RBFA: variants seen among roughly 807,000 people sequenced by gnomAD.
RBFA encodes the protein ribosome binding factor A, also known as putative ribosome-binding factor A, mitochondrial.
A neutral mutation model predicts 27.9 loss-of-function variants in RBFA; 16 were observed. That is an observed-to-expected ratio of 0.57 (90% CI 0.39 to 0.87). The LOEUF (loss-of-function observed/expected upper bound fraction) is 0.87, where lower values mean the gene tolerates loss of function less well. Ranked by LOEUF, RBFA falls within the 40% of genes least tolerant of loss-of-function variation. The pLI, the probability that RBFA is intolerant of heterozygous loss-of-function variation, is 0.00. For missense variants in RBFA, 456 were observed against 432.1 expected (o/e 1.06, Z -0.49); for synonymous variants, 181 against 181.0 (o/e 1.00, Z 0.00).
chr18:80,047,005 A>G lies in RBFA; in HGVS notation c.*850A>G, dbSNP rs1190087925. 1.3e-5 allele frequency: 2 copies of G among 152,232 alleles called. No homozygotes were observed. The highest frequency in any genetic ancestry group is 6.5e-5 in the Admixed American group (1 of 15,276). 9.4% of individuals were successfully genotyped at this position (152,232 alleles called of 1,614,324 possible). ...CAGATTCCATACCTTGTCAGCTCCT[A>G]TTTAGTTCGGCTTCCCTCTTAATGT... On this transcript the variant is annotated 3_prime_UTR_variant, in exon 7 of 7. Transcript: ENST00000306735.
At position 80,048,787 on chromosome 18, in the gene RBFA, G is replaced by GT. The variant is rs2145153292; in HGVS notation, c.*2633dup. On this transcript the variant is annotated 3_prime_UTR_variant, in exon 7 of 7. Coordinates refer to ENST00000306735, the MANE Select transcript of RBFA (RefSeq NM_024805.3). ...GGCTCAGTGCCTCCTAGAAAGAGGA[G>GT]TGTGGGCACGTTTGCAGGGGATCCA... Among the ~76,000 whole-genome samples, 1 of 148,374 alleles carries GT rather than the reference G, an allele frequency of 6.7e-6. No homozygotes were observed. Among genetic ancestry groups the GT allele is most frequent in the Non-Finnish European group, 1.5e-5 (1 of 67,930 alleles).
Position 80,042,212 on chromosome 18 carries a change from T to C in RBFA, c.569T>C (p.Leu190Pro). The C allele has an allele frequency of 6.3e-7, 1 of 1,594,652 alleles. No homozygotes were observed. Among genetic ancestry groups the C allele is most frequent in the Non-Finnish European group, 8.5e-7 (1 of 1,169,934 alleles). The change falls in exon 5 of 7, where the codon CTA (leucine) becomes CCA (proline). Residue 190 changes from leucine (L) to proline (P), a missense_variant. Leu to Pro is a moderately conservative substitution (Grantham distance 98). Transcript: ENST00000306735. ...GTTCAAGACAAGGGAAATGCAGCTC[T>C]AGCTGAGGTAAGGTTTTCAAAAAAA... ...VFVQDKGNAA[L>P]AELDQLLAVA...
chr18:80,038,096 G>A (rs145599429), intron 3 of RBFA, among the ~76,000 whole-genome samples: 1 of 152,304 alleles, frequency 6.6e-6, no homozygotes, highest in Non-Finnish European at 1.5e-5. Context: ...TAAGCCTGCC[G>A]TGGGAAGAGG....
Position 80,046,701 on chromosome 18 carries a change from G to C in RBFA, c.*546G>C, listed in dbSNP as rs1245221104. ...GCCTCTTCACAGCTTTGTGCAGCAG[G>C]CTCCACCTTCTGGTTCAGGCCAAGG... On this transcript the variant is annotated 3_prime_UTR_variant, in exon 7 of 7. Coordinates refer to ENST00000306735, the MANE Select transcript of RBFA (RefSeq NM_024805.3). Among the ~76,000 whole-genome samples the C allele has an allele frequency of 1.3e-5, 2 of 152,254 alleles. No homozygotes were observed. Among genetic ancestry groups the C allele is most frequent in the African/African-American group, 2.4e-5 (1 of 41,466 alleles).
Position 80,044,286 on chromosome 18 carries a change from G to T in RBFA, c.650+1G>T. The T allele has an allele frequency of 6.2e-7, 1 of 1,613,378 alleles. No individual in the cohort carries two copies. Among genetic ancestry groups the T allele is most frequent in the Non-Finnish European group, 8.5e-7 (1 of 1,179,278 alleles). The stretch of plus-strand genomic sequence containing the variant: ...ACAACTTTGTACAAAATGATTTCAG[G>T]TGACGCATGTGGACATATGTTTTGA... On this transcript the variant is annotated splice_donor_variant, in intron 6 of 6. Transcript: ENST00000306735. LOFTEE classifies it high-confidence loss of function.
intron 3 of RBFA, among the ~76,000 whole-genome samples, chr18:80,037,888 CAAAAAA>C (rs56784827): frequency 0.42 from 60,761 of 145,636 alleles, 13,017 homozygotes; most frequent in Admixed American, 0.52. Context: ...GACTCCATCT[CAAAAAA>C]AAAAAAAGCC....
At chr18:80,039,622 A>G (rs1019705127) in intron 4 of RBFA, among the ~76,000 whole-genome samples, 4 of 152,250 alleles carry the variant, frequency 2.6e-5, no homozygotes, top group African/African-American at 7.2e-5. Flanking sequence ...TCAGAATTTT[A>G]GGAAACTTGT....
rs1189747775 is a variant in RBFA at position 80,049,402 on chromosome 18, C to T, written c.*3247C>T. Among the ~76,000 whole-genome samples, 2 of 152,228 alleles carry T rather than the reference C, an allele frequency of 1.3e-5. No homozygotes were observed. Among genetic ancestry groups the T allele is most frequent in the African/African-American group, 4.8e-5 (2 of 41,446 alleles). On this transcript the variant is annotated 3_prime_UTR_variant, in exon 7 of 7. Transcript: ENST00000306735. ...TCCATGGCCTTCCCTGGATGATCCA[C>T]TCCTGGGGATTTTCCGCAGCTCTCC... is the stretch of plus-strand genomic sequence containing the variant.
At position 80,049,976 on chromosome 18, in the gene RBFA, C is replaced by T. The variant is rs1319185556; in HGVS notation, c.*3821C>T. On this transcript the variant is annotated 3_prime_UTR_variant, in exon 7 of 7. Coordinates refer to ENST00000306735, the MANE Select transcript of RBFA (RefSeq NM_024805.3). ...TGACTGCCCTGGGTTGATTTTTTTC[C>T]AGTATTATCTTTAGTACAGAATCTT... Among the ~76,000 whole-genome samples, 4 of 152,150 alleles carry T rather than the reference C, an allele frequency of 2.6e-5. No individual in the cohort carries two copies. Among genetic ancestry groups the T allele is most frequent in the African/African-American group, 9.7e-5 (4 of 41,426 alleles).
intron 5 of RBFA, 74 bp downstream of exon 5, chr18:80,042,293 T>C: frequency 1.0e-6 from 1 of 969,740 alleles, no homozygotes; most frequent in Non-Finnish European, 1.5e-6. Context: ...TCTTGCTATA[T>C]TGTCCAGGCT....
intron 4 of RBFA, chr18:80,041,154 T>A (rs1272060279): frequency 6.6e-6 from 1 of 152,236 alleles, no homozygotes; most frequent in Non-Finnish European, 1.5e-5. Flanking sequence ...TGAAACTGCA[T>A]ATCAGAGAAT....
At chr18:80,043,543 C>T (rs1393413625) in intron 5 of RBFA, among the ~76,000 whole-genome samples, 2 of 152,198 alleles carry the variant, frequency 1.3e-5, no homozygotes, top group African/African-American at 2.4e-5. Context: ...ACTCCAGGCT[C>T]CTGTCTCTGG....
intron 1 of RBFA, chr18:80,035,729 A>G (rs929311089): frequency 6.6e-6 from 1 of 152,204 alleles, no homozygotes; most frequent in African/African-American, 2.4e-5. Flanking sequence ...AGTGGTTTGC[A>G]TTCTGCACAA....
chr18:80,039,949 G>A (rs143192250), intron 4 of RBFA, among the ~76,000 whole-genome samples: 2,131 of 152,114 alleles, frequency 0.014, 20 homozygotes, highest in Middle Eastern at 0.034. Flanking sequence ...TTGCTCTGTC[G>A]CCCAGGCTGG....
chr18:80,043,158 G>T (rs1326769650), intron 5 of RBFA, among the ~76,000 whole-genome samples: 1 of 152,148 alleles, frequency 6.6e-6, no homozygotes, highest in Non-Finnish European at 1.5e-5. Context: ...TCTCTGGGTG[G>T]TGGTTACCTG....
rs1455372721 is a variant in RBFA at position 80,046,927 on chromosome 18, T to C, written c.*772T>C. On this transcript the variant is annotated 3_prime_UTR_variant, in exon 7 of 7. Transcript: ENST00000306735. ...CGACTCTGAGTCATACTGAATTCTT[T>C]GTGTCACCTCCGACGCAAAGATTCG... 1 of 152,562 alleles carries C rather than the reference T, an allele frequency of 6.6e-6. No homozygotes were observed. Among genetic ancestry groups the C allele is most frequent in the Non-Finnish European group, 1.5e-5 (1 of 68,050 alleles). 9.5% of individuals were successfully genotyped at this position (152,562 alleles called of 1,614,324 possible). A position where few individuals can be genotyped will look rare whatever the true frequency, so the allele number is the denominator to read the frequency against.
At chr18:80,035,478 A>G (rs1599764312) in intron 1 of RBFA, 1 of 152,266 alleles carries the variant, frequency 6.6e-6, no homozygotes, top group South Asian at 2.1e-4. Flanking sequence ...CTCTGTTGGA[A>G]TGTGCCTGTT....
Position 80,042,321 on chromosome 18 carries a change from C to T in RBFA, c.576+102C>T, listed in dbSNP as rs1052642162. 3 of 596,160 alleles carry T rather than the reference C, an allele frequency of 5.0e-6. No homozygotes were observed. The African/African-American group carries it at 5.7e-5, about 11-fold the overall frequency. 36.9% of individuals were successfully genotyped at this position (596,160 alleles called of 1,614,324 possible). On this transcript the variant is annotated intron_variant, in intron 5 of 6. Coordinates refer to ENST00000306735, the MANE Select transcript of RBFA (RefSeq NM_024805.3). ...TCCAGGCTAGTCTTGAACTCCTGGC[C>T]TCAAGGGATCCTTCTGTCTCAGCCT...
chr18:80,046,665 G>A lies in RBFA; in HGVS notation c.*510G>A, dbSNP rs551587784. Among the ~76,000 whole-genome samples the A allele has an allele frequency of 5.9e-5, 9 of 152,298 alleles. No homozygotes were observed. The highest frequency in any genetic ancestry group is 3.3e-4 in the Admixed American group (5 of 15,298). On this transcript the variant is annotated 3_prime_UTR_variant, in exon 7 of 7. Coordinates refer to ENST00000306735, the MANE Select transcript of RBFA (RefSeq NM_024805.3). ...GTCGGCACGTGGCGCCGGGGGCTCC[G>A]TCCCTGACTGGCCTCTTCACAGCTT...
Sources: allele counts gnomAD v4.1 joint callset (sites outside exome capture counted in the v4.1 genomes callset), GRCh38; gene constraint gnomAD v4.1.1; transcripts MANE v1.5; gene names NCBI Gene and HGNC (gene_info 2026-07-23, HGNC 2026-07-21).